ADGRV1: variants seen among roughly 807,000 people sequenced by gnomAD.
ADGRV1 encodes the protein G-protein coupled receptor 98.
ADGRV1 carries 359 observed loss-of-function variants against 596.2 expected under a neutral mutation model. The ratio of observed to expected loss-of-function variants is 0.60; its 90% confidence interval spans 0.55 to 0.66. The LOEUF (loss-of-function observed/expected upper bound fraction) is 0.66. ADGRV1 is among the 30% of genes least tolerant of loss of function. ADGRV1 has a pLI of 0.00. For synonymous variants in ADGRV1, 2,681 were observed against 2,679.2 expected, an observed-to-expected ratio of 1.00 and a Z score of -0.02; for missense variants, 7,274 against 7,575.6, an observed-to-expected ratio of 0.96 and a Z score of 1.48.
At chr5:90,937,617 C>A (rs866169297) in intron 83 of ADGRV1, among the ~76,000 whole-genome samples, 4 of 152,120 alleles carry the variant, frequency 2.6e-5, no homozygotes, top group African/African-American at 4.8e-5. Context: ...ACCACCACGC[C>A]CAGCTAATTT....
At chr5:91,015,549 T>C (rs1232803230) in intron 85 of ADGRV1, among the ~76,000 whole-genome samples, 2 of 152,120 alleles carry the variant, frequency 1.3e-5, no homozygotes, top group Admixed American at 6.6e-5. Flanking sequence ...ACTTGTCTTA[T>C]GAACCTAGGT....
intron 23 of ADGRV1, 88 bp from the exon 24 acceptor site, chr5:90,675,154 CA>C: frequency 8.7e-7 from 1 of 1,156,040 alleles, no homozygotes. Context: ...GCCTGGTGAT[CA>C]AAATAATTGT....
intron 70 of ADGRV1, among the ~76,000 whole-genome samples, chr5:90,796,928 AT>A (rs1451316164): frequency 1.4e-4 from 22 of 152,168 alleles, no homozygotes; most frequent in Non-Finnish European, 1.5e-4. Flanking sequence ...ATGCTGAGAG[AT>A]TTTGTCACCA....
chr5:90,582,144 A>T (rs1204256143), intron 1 of ADGRV1, among the ~76,000 whole-genome samples: 2 of 149,294 alleles, frequency 1.3e-5, no homozygotes, highest in African/African-American at 4.9e-5. Context: ...TTCTGTATGC[A>T]GATGAGAAGA....
chr5:90,834,384 T>G (rs11958575), intron 77 of ADGRV1, among the ~76,000 whole-genome samples: 2,635 of 152,256 alleles, frequency 0.017, 82 homozygotes, highest in African/African-American at 0.06. Context: ...TTCTCCTTCA[T>G]GTTTGAAGGA....
intron 43 of ADGRV1, among the ~76,000 whole-genome samples, chr5:90,719,115 A>C (rs1162077838): frequency 6.6e-6 from 1 of 152,032 alleles, no homozygotes; most frequent in Non-Finnish European, 1.5e-5. Context: ...GGATCACTTG[A>C]GGTCAGGAGT....
At chr5:90,870,333 A>G (rs1768542042) in intron 83 of ADGRV1, among the ~76,000 whole-genome samples, 1 of 152,178 alleles carries the variant, frequency 6.6e-6, no homozygotes. Flanking sequence ...ACTAAGAGAT[A>G]TTCAGTTACC....
intron 86 of ADGRV1, among the ~76,000 whole-genome samples, chr5:91,079,911 T>C (rs958861277): frequency 6.6e-6 from 1 of 152,200 alleles, no homozygotes; most frequent in Admixed American, 6.5e-5. Flanking sequence ...TGGCACTGCA[T>C]GTAAGTGCAG....
chr5:90,771,520 A>G (rs1273187722), intron 59 of ADGRV1, among the ~76,000 whole-genome samples: 2 of 152,212 alleles, frequency 1.3e-5, no homozygotes, highest in East Asian at 3.8e-4. Context: ...TGTAATTTAG[A>G]AACATTTTAA....
Position 91,072,610 on chromosome 5 carries a change from A to T in ADGRV1, c.18310+6A>T, listed in dbSNP as rs1286869761. On this transcript the variant is annotated splice_donor_region_variant and intron_variant, in intron 86 of 89. Transcript: ENST00000405460. ...AGGAAGGACAAATGCTGCAGGTTTGAAAGGAACTATATTTGTACTTTGGAG... is the reference window on the plus strand; with the variant it reads ...AGGAAGGACAAATGCTGCAGGTTTGTAAGGAACTATATTTGTACTTTGGAG... The T allele has an allele frequency of 1.2e-6, 2 of 1,613,126 alleles. No homozygotes were observed. The highest frequency in any genetic ancestry group is 3.3e-5 in the Admixed American group (2 of 59,940).
chr5:90,756,972 C>T lies in ADGRV1; in HGVS notation c.11758-7C>T. ...TCTTGCCTTTCAATTATATTCTTTA[C>T]TTAAAGGGCGCTGGGGAAGTTATTA... is the stretch of plus-strand genomic sequence containing the variant. On this transcript the variant is annotated splice_region_variant and splice_polypyrimidine_tract_variant and intron_variant, in intron 56 of 89. Coordinates refer to ENST00000405460, the MANE Select transcript of ADGRV1 (RefSeq NM_032119.4). 6.4e-7 allele frequency: 1 copy of T among 1,574,352 alleles called. No homozygotes were observed. The highest frequency in any genetic ancestry group is 1.2e-5 in the South Asian group (1 of 84,320).
chr5:91,048,763 G>A (rs1179192076), intron 85 of ADGRV1, among the ~76,000 whole-genome samples: 1 of 151,992 alleles, frequency 6.6e-6, no homozygotes, highest in Admixed American at 6.6e-5. Context: ...AGCTTACTTC[G>A]ATACCTGATG....
intron 5 of ADGRV1, among the ~76,000 whole-genome samples, chr5:90,623,821 G>A (rs949331562): frequency 7.2e-5 from 11 of 152,142 alleles, no homozygotes; most frequent in Admixed American, 5.9e-4. Flanking sequence ...ATGATAAGCT[G>A]TAGGTGAGGT....
chr5:91,149,969 CTT>C, intron 87 of ADGRV1, 59 bp from the exon 88 acceptor site: 1 of 1,407,580 alleles, frequency 7.1e-7, no homozygotes, highest in Non-Finnish European at 9.5e-7. Flanking sequence ...GCAGGACTGA[CTT>C]TGACATGCTG....
chr5:91,113,303 C>G (rs895019564), intron 87 of ADGRV1, among the ~76,000 whole-genome samples: 22 of 152,128 alleles, frequency 1.4e-4, no homozygotes, highest in Non-Finnish European at 5.9e-5. Context: ...TAAAAGCACT[C>G]AAATGCAAAT....
chr5:91,018,704 CAG>C (rs1241735454), intron 85 of ADGRV1, among the ~76,000 whole-genome samples: 1 of 151,954 alleles, frequency 6.6e-6, no homozygotes, highest in Non-Finnish European at 1.5e-5. Flanking sequence ...TCTTCTAAAG[CAG>C]AGTTATACTG....
At chr5:91,041,187 C>T (rs1785315108) in intron 85 of ADGRV1, among the ~76,000 whole-genome samples, 1 of 152,106 alleles carries the variant, frequency 6.6e-6, no homozygotes, top group Admixed American at 6.6e-5. Context: ...CACATGCACA[C>T]ATATGTTTAT....
intron 1 of ADGRV1, among the ~76,000 whole-genome samples, chr5:90,563,855 A>G (rs545184827): frequency 3.4e-4 from 52 of 152,342 alleles, no homozygotes; most frequent in African/African-American, 1.2e-3. Context: ...ACAATTAGGT[A>G]GTATTAATAT....
intron 72 of ADGRV1, among the ~76,000 whole-genome samples, chr5:90,807,194 A>G (rs114579319): frequency 0.02 from 3,040 of 152,210 alleles, 94 homozygotes; most frequent in African/African-American, 0.069. Context: ...TATTTGTGAC[A>G]TTTTTTCTGA....
Sources: allele counts gnomAD v4.1 joint callset (sites outside exome capture counted in the v4.1 genomes callset), GRCh38; gene constraint gnomAD v4.1.1; transcripts MANE v1.5; gene names NCBI Gene and HGNC (gene_info 2026-07-23, HGNC 2026-07-21).